The following SPON1 variants were observed in gnomAD, a reference collection of about 807,000 sequenced individuals.
The protein encoded by SPON1 is spondin 1.
SPON1 carries 52 observed loss-of-function variants against 111.7 expected under a neutral mutation model. The observed-to-expected ratio is 0.47, with a 90% confidence interval of 0.37 to 0.59. SPON1 has a LOEUF of 0.59. Among genes scored for constraint, SPON1 ranks in the 20% least tolerant of loss-of-function variants. SPON1 has a pLI of 0.00. For synonymous variants in SPON1, 410 were observed against 395.8 expected (o/e 1.04, Z -0.43); for missense variants, 957 against 1,068.5 (o/e 0.90, Z 1.46).
At chr11:14,099,394 G>C (rs528268584) in intron 5 of SPON1, among the ~76,000 whole-genome samples, 2 of 151,926 alleles carry the variant, frequency 1.3e-5, no homozygotes, top group East Asian at 3.9e-4. Flanking sequence ...TTGTTCCTTT[G>C]GTGAATTTTT....
At chr11:14,005,335 C>T (rs556794246) in intron 2 of SPON1, among the ~76,000 whole-genome samples, 10 of 152,292 alleles carry the variant, frequency 6.6e-5, no homozygotes, top group Admixed American at 4.6e-4. Context: ...ATTCTGATGT[C>T]CCCTAGAGAA....
intron 6 of SPON1, among the ~76,000 whole-genome samples, chr11:14,212,231 G>A (rs1554936816): frequency 6.6e-6 from 1 of 151,858 alleles, no homozygotes; most frequent in East Asian, 1.9e-4. Context: ...GCATAGCTTG[G>A]GAATTATCTG....
At chr11:13,988,967 T>C (rs1465392448) in intron 2 of SPON1, among the ~76,000 whole-genome samples, 1 of 152,188 alleles carries the variant, frequency 6.6e-6, no homozygotes, top group African/African-American at 2.4e-5. Context: ...TTATTGAGGA[T>C]TTTCATATCG....
At chr11:14,097,733 C>T (rs1177762400) in intron 5 of SPON1, among the ~76,000 whole-genome samples, 1 of 152,138 alleles carries the variant, frequency 6.6e-6, no homozygotes, top group African/African-American at 2.4e-5. Context: ...ATGATTGTAC[C>T]ACTGCCACTG....
At chr11:14,180,942 C>A (rs149080951) in intron 6 of SPON1, among the ~76,000 whole-genome samples, 1 of 152,208 alleles carries the variant, frequency 6.6e-6, no homozygotes, top group South Asian at 2.1e-4. Context: ...ATGAGCCTAG[C>A]TTTCCTGGTG....
At chr11:14,012,665 T>TC (rs1271569892) in intron 2 of SPON1, among the ~76,000 whole-genome samples, 2 of 152,048 alleles carry the variant, frequency 1.3e-5, no homozygotes, top group Non-Finnish European at 2.9e-5. Flanking sequence ...CTGTTCCTCC[T>TC]CCCCCATCCC....
At chr11:14,120,354 T>C (rs568251492) in intron 5 of SPON1, among the ~76,000 whole-genome samples, 18 of 152,256 alleles carry the variant, frequency 1.2e-4, no homozygotes, top group African/African-American at 3.6e-4. Flanking sequence ...ATCTCTGTGC[T>C]CAATATGGCC....
Position 14,191,190 on chromosome 11 carries a change from G to T in SPON1, c.826-52142G>T, listed in dbSNP as rs55847658. On this transcript the variant is annotated intron_variant, in intron 6 of 15. Coordinates refer to ENST00000576479, the MANE Select transcript of SPON1 (RefSeq NM_006108.4). ...TCATCCTACCCTCTCTGAGTCCGCT[G>T]CTGCCTCTGGTGGCCTGGGGCAGGG... 2.3e-3 allele frequency among the ~76,000 whole-genome samples: 355 copies of T among 152,288 alleles called. 1 individual carries two copies. Among genetic ancestry groups the T allele is most frequent in the African/African-American group, 8.3e-3 (347 of 41,564 alleles).
intron 6 of SPON1, among the ~76,000 whole-genome samples, chr11:14,242,644 G>T (rs1554939804): frequency 6.6e-6 from 1 of 152,184 alleles, no homozygotes. Context: ...TCTGATTTTT[G>T]CCCTATGAAG....
At chr11:14,203,334 G>A (rs956218444) in intron 6 of SPON1, among the ~76,000 whole-genome samples, 1 of 152,176 alleles carries the variant, frequency 6.6e-6, no homozygotes, top group Non-Finnish European at 1.5e-5. Context: ...CACACACACA[G>A]ACTGGGCTGC....
intron 5 of SPON1, among the ~76,000 whole-genome samples, chr11:14,106,751 G>A (rs1306204404): frequency 6.6e-6 from 1 of 152,224 alleles, no homozygotes; most frequent in Non-Finnish European, 1.5e-5. Flanking sequence ...TAGCCCTGCA[G>A]TAAAGCTGAT....
intron 5 of SPON1, among the ~76,000 whole-genome samples, chr11:14,098,327 A>G (rs1037297087): frequency 2.0e-5 from 3 of 152,218 alleles, no homozygotes; most frequent in African/African-American, 7.2e-5. Context: ...ATTGATATGA[A>G]CAAATAATTG....
At chr11:14,140,807 A>G (rs973958666) in intron 6 of SPON1, among the ~76,000 whole-genome samples, 5 of 151,782 alleles carry the variant, frequency 3.3e-5, no homozygotes, top group Non-Finnish European at 5.9e-5. Flanking sequence ...CCAAGTTTTT[A>G]TGTCCTTTCT....
At chr11:14,160,651 ATATATT>A (rs1175406452) in intron 6 of SPON1, among the ~76,000 whole-genome samples, 1 of 20,822 alleles carries the variant, frequency 4.8e-5, no homozygotes, top group Non-Finnish European at 7.6e-5. Flanking sequence ...ACATATATTT[ATATATT>A]TATATATATA....
chr11:14,156,142 C>T (rs1847843324), intron 6 of SPON1, among the ~76,000 whole-genome samples: 1 of 124,370 alleles, frequency 8.0e-6, no homozygotes. Context: ...TCTCCACATC[C>T]TCTCCAGCAC....
At chr11:14,118,067 T>A (rs976485173) in intron 5 of SPON1, among the ~76,000 whole-genome samples, 1 of 152,188 alleles carries the variant, frequency 6.6e-6, no homozygotes, top group Non-Finnish European at 1.5e-5. Flanking sequence ...AGAGTTAAGA[T>A]TGAAATCTGA....
At chr11:14,190,165 C>T (rs1013396478) in intron 6 of SPON1, among the ~76,000 whole-genome samples, 29 of 152,130 alleles carry the variant, frequency 1.9e-4, no homozygotes, top group Non-Finnish European at 3.2e-4. Context: ...GTCCACCATG[C>T]GATGAAACCC....
chr11:13,994,114 G>A (rs1035566528), intron 2 of SPON1, among the ~76,000 whole-genome samples: 15 of 152,134 alleles, frequency 9.9e-5, no homozygotes, highest in Admixed American at 7.9e-4. Context: ...TCTGAGCCAC[G>A]TTAGAACCTA....
chr11:14,215,637 A>G (rs1405513580), intron 6 of SPON1, among the ~76,000 whole-genome samples: 3 of 152,234 alleles, frequency 2.0e-5, no homozygotes, highest in Non-Finnish European at 4.4e-5. Context: ...TCAAGGGGAG[A>G]TAACATAGAC....
Sources: gnomAD v4.1 joint callset for allele counts (sites outside exome capture counted in the v4.1 genomes callset) on GRCh38, gnomAD v4.1.1 for gene constraint, MANE v1.5 for transcripts, NCBI Gene and HGNC (gene_info 2026-07-23, HGNC 2026-07-21) for gene names.